CABIN1: variants seen among roughly 807,000 people sequenced by gnomAD.
CABIN1 encodes the protein calcineurin-binding protein cabin-1.
In CABIN1, 133 loss-of-function variants were observed where a neutral mutation model predicts 227.7. The ratio of observed to expected loss-of-function variants is 0.58; its 90% CI spans 0.51 to 0.67. The LOEUF is 0.67. Ranked by LOEUF, CABIN1 falls within the 30% of genes least tolerant of loss-of-function variation. CABIN1 has a pLI of 0.00. For missense variants in CABIN1, 2,408 were observed against 2,852.5 expected, an observed-to-expected ratio of 0.84 and a Z score of 3.55; for synonymous variants, 1,086 against 1,155.1, an observed-to-expected ratio of 0.94 and a Z score of 1.21.
At chr22:24,174,979 C>T (rs1017012860) in intron 34 of CABIN1, among the ~76,000 whole-genome samples, 5 of 152,220 alleles carry the variant, frequency 3.3e-5, no homozygotes, top group Non-Finnish European at 7.4e-5. Context: ...CCTGCTTTCC[C>T]TCTGCCTGCC....
chr22:24,064,094 C>T lies in CABIN1; in HGVS notation c.1944C>T (p.Ser648=), dbSNP rs1205106264. The change falls in exon 15 of 37, where the codon TCC becomes TCT. Residue 648 remains serine, a synonymous_variant. Transcript: ENST00000263119. ...TCTGCACAGAAATGCTCCAGAGTTC[C>T]ACCGCCATCCAGGTGGAGGCAGGGG... ...YDICTEMLQS[S]TAIQVEAGAE... is the part of the protein sequence containing the mutation. 6.2e-7 allele frequency: 1 copy of T among 1,614,200 alleles called. No individual in the cohort carries two copies. Among genetic ancestry groups the T allele is most frequent in the South Asian group, 1.1e-5 (1 of 91,082 alleles).
intron 8 of CABIN1, among the ~76,000 whole-genome samples, chr22:24,051,462 G>GTC (rs1257174997): frequency 1.3e-5 from 2 of 152,090 alleles, no homozygotes; most frequent in African/African-American, 2.4e-5. Flanking sequence ...TGATGTGAGA[G>GTC]TCTCTCTCTC....
chr22:24,133,382 C>T (rs1008568633), intron 28 of CABIN1, among the ~76,000 whole-genome samples: 1 of 152,172 alleles, frequency 6.6e-6, no homozygotes, highest in Non-Finnish European at 1.5e-5. Flanking sequence ...CAGAATGGGA[C>T]CAGGTGGGAC....
At chr22:24,090,938 A>C (rs2041504214) in intron 23 of CABIN1, among the ~76,000 whole-genome samples, 1 of 152,306 alleles carries the variant, frequency 6.6e-6, no homozygotes, top group African/African-American at 2.4e-5. Flanking sequence ...GCAGCTGACC[A>C]GTATTGGAAA....
intron 29 of CABIN1, chr22:24,155,781 C>T (rs2045750109): frequency 2.6e-6 from 1 of 389,326 alleles, no homozygotes; most frequent in East Asian, 3.9e-5. Context: ...CACTCCTGGC[C>T]ACCCCTACAC....
At chr22:24,063,820 C>T (rs971607653) in intron 14 of CABIN1, among the ~76,000 whole-genome samples, 1 of 152,198 alleles carries the variant, frequency 6.6e-6, no homozygotes, top group African/African-American at 2.4e-5. Flanking sequence ...TATGATATCT[C>T]CCCTCGCAGA....
chr22:24,135,265 C>G (rs2044324243), intron 29 of CABIN1, among the ~76,000 whole-genome samples: 1 of 150,968 alleles, frequency 6.6e-6, no homozygotes, highest in Non-Finnish European at 1.5e-5. Flanking sequence ...TGGCAGGCAC[C>G]TGTAATCCCA....
rs752306349 is a variant in CABIN1 at position 24,083,209 on chromosome 22, T to G, written c.2749-19T>G. On this transcript the variant is annotated intron_variant, in intron 19 of 36. Transcript: ENST00000263119. ...GGCTACAGGCCCTCACCTCAGGCCA[T>G]CTCTTCTGCCCACCACAGGTGCGAG... is the stretch of plus-strand genomic sequence containing the variant. 1.7e-5 allele frequency: 28 copies of G among 1,611,694 alleles called. No homozygotes were observed. Among genetic ancestry groups the G allele is most frequent in the African/African-American group, 6.7e-5 (5 of 74,854 alleles).
chr22:24,063,398 C>T (rs2039345435), intron 14 of CABIN1, among the ~76,000 whole-genome samples: 1 of 152,214 alleles, frequency 6.6e-6, no homozygotes, highest in African/African-American at 2.4e-5. Flanking sequence ...CCACAGAGCT[C>T]TGGAAGGCAT....
intron 29 of CABIN1, among the ~76,000 whole-genome samples, chr22:24,157,798 G>A (rs1332987784): frequency 5.3e-5 from 8 of 152,166 alleles, no homozygotes. Context: ...TCCTGGCTCC[G>A]CTTGAGGTGC....
At chr22:24,076,737 C>T (rs1395666657) in intron 19 of CABIN1, among the ~76,000 whole-genome samples, 1 of 152,174 alleles carries the variant, frequency 6.6e-6, no homozygotes, top group Non-Finnish European at 1.5e-5. Flanking sequence ...CATTCAGTCA[C>T]TAAATGATTA....
intron 1 of CABIN1, among the ~76,000 whole-genome samples, chr22:24,035,201 G>A (rs898381013): frequency 2.0e-5 from 3 of 152,308 alleles, no homozygotes; most frequent in South Asian, 2.1e-4. Context: ...GATCCCTGGG[G>A]GCAAGGATTG....
chr22:24,121,663 TG>T (rs1472967331), intron 28 of CABIN1, among the ~76,000 whole-genome samples: 3 of 152,248 alleles, frequency 2.0e-5, no homozygotes, highest in Non-Finnish European at 4.4e-5. Context: ...ATATGAACTC[TG>T]TTGGGCTCAC....
chr22:24,116,515 G>A (rs1271766512), intron 27 of CABIN1, among the ~76,000 whole-genome samples: 1 of 152,230 alleles, frequency 6.6e-6, no homozygotes, highest in Non-Finnish European at 1.5e-5. Context: ...ACCTGCCAAT[G>A]CCCAGCTTCC....
intron 11 of CABIN1, 150 bp downstream of exon 11, chr22:24,059,513 G>A: frequency 1.0e-6 from 1 of 985,244 alleles, no homozygotes; most frequent in Admixed American, 2.0e-5. Flanking sequence ...CCTAAGCCCT[G>A]TGGTCAGCTT....
At chr22:24,168,949 C>T (rs1000024875) in intron 33 of CABIN1, among the ~76,000 whole-genome samples, 4 of 152,084 alleles carry the variant, frequency 2.6e-5, no homozygotes, top group Admixed American at 2.6e-4. Context: ...TTGTAGGGAG[C>T]AAGGTGTCCT....
intron 29 of CABIN1, among the ~76,000 whole-genome samples, chr22:24,136,481 C>A (rs1312350775): frequency 1.4e-5 from 2 of 146,546 alleles, no homozygotes; most frequent in Admixed American, 6.9e-5. Context: ...TCACAAGTAG[C>A]TGGGACTACG....
At chr22:24,116,309 G>A (rs1198803450) in intron 27 of CABIN1, among the ~76,000 whole-genome samples, 1 of 152,238 alleles carries the variant, frequency 6.6e-6, no homozygotes, top group Non-Finnish European at 1.5e-5. Flanking sequence ...ATCGTTCTGA[G>A]GGCAAGAGGG....
intron 18 of CABIN1, among the ~76,000 whole-genome samples, chr22:24,075,478 G>T (rs770876179): frequency 1.9e-4 from 29 of 151,998 alleles, no homozygotes; most frequent in Non-Finnish European, 4.0e-4. Flanking sequence ...AACTTTTAAG[G>T]CCAGGCGCCA....
Sources: gnomAD v4.1 joint callset for allele counts (sites outside exome capture counted in the v4.1 genomes callset) on GRCh38, gnomAD v4.1.1 for gene constraint, MANE v1.5 for transcripts, NCBI Gene and HGNC (gene_info 2026-07-23, HGNC 2026-07-21) for gene names.